Variants in RGS5 observed in about 807,000 individuals in gnomAD.
The protein encoded by RGS5 is regulator of G-protein signalling 5.
A neutral mutation model predicts 18.9 loss-of-function variants in RGS5; 20 were observed. The ratio of observed to expected loss-of-function variants is 1.06; its 90% CI spans 0.74 to 1.54. RGS5 has a LOEUF of 1.54. Ranked by LOEUF, RGS5 falls within the 40% of genes most tolerant of loss-of-function variation. RGS5 has a pLI of 0.00. For synonymous variants in RGS5, 57 were observed against 76.2 expected, an observed-to-expected ratio of 0.75 and a Z score of 1.31; for missense variants, 201 against 211.8, an observed-to-expected ratio of 0.95 and a Z score of 0.32.
chr1:163,227,929 T>A lies in RGS5; in HGVS notation c.-280-59561A>T, dbSNP rs189313858. On this transcript the variant is annotated intron_variant, in intron 2 of 5. Coordinates refer to the RGS5 transcript ENST00000618415. ...ATCTCCTTTAATTGTATGTCTCACATCCAGGTCACACTGATGCAAGAGGTG... is the reference window on the plus strand; with the variant it reads ...ATCTCCTTTAATTGTATGTCTCACAACCAGGTCACACTGATGCAAGAGGTG... Among the ~76,000 whole-genome samples, 29 of 152,322 alleles carry A rather than the reference T, an allele frequency of 1.9e-4. No individual in the cohort carries two copies. The East Asian group carries it at 5.4e-3, about 28-fold the overall frequency.
chr1:163,290,499 T>A (rs1353107820), intron 2 of RGS5, among the ~76,000 whole-genome samples: 1 of 152,178 alleles, frequency 6.6e-6, no homozygotes, highest in Non-Finnish European at 1.5e-5. Context: ...TATAGAGAAG[T>A]TTCTTTAGAG....
intron 2 of RGS5, among the ~76,000 whole-genome samples, chr1:163,167,986 G>A (rs1201149604): frequency 6.6e-6 from 1 of 151,866 alleles, no homozygotes; most frequent in Non-Finnish European, 1.5e-5. Flanking sequence ...AGTATGGTCT[G>A]TCTATTTTAT....
rs541836228 is a variant in RGS5, at chr1:163,266,153, C to A, written c.-281+40080G>T. On this transcript the variant is annotated intron_variant, in intron 2 of 5. Transcript: ENST00000618415. Reference sequence around the variant, plus strand: ...GGATCTGCTCCTGTTTTTATTACAACCCCAATTTATGGCAAGACCCAGACC... The same window carrying A: ...GGATCTGCTCCTGTTTTTATTACAAACCCAATTTATGGCAAGACCCAGACC... Among the ~76,000 whole-genome samples, 17 of 152,180 alleles carry A rather than the reference C, an allele frequency of 1.1e-4. No individual in the cohort carries two copies. In the East Asian group the frequency reaches 1.9e-3, roughly 17 times the overall value.
At chr1:163,274,247 A>T (rs1025286909) in intron 2 of RGS5, among the ~76,000 whole-genome samples, 3 of 151,880 alleles carry the variant, frequency 2.0e-5, no homozygotes, top group Admixed American at 1.3e-4. Flanking sequence ...TACCAGAGAG[A>T]CAAGAAATTA....
At chr1:163,277,008 A>G (rs1571335613) in intron 2 of RGS5, among the ~76,000 whole-genome samples, 1 of 152,284 alleles carries the variant, frequency 6.6e-6, no homozygotes, top group South Asian at 2.1e-4. Flanking sequence ...TAACATCAAC[A>G]AAGACCTTTA....
At chr1:163,216,538 C>T (rs573923543) in intron 1 of RGS5, among the ~76,000 whole-genome samples, 18 of 152,214 alleles carry the variant, frequency 1.2e-4, no homozygotes, top group Non-Finnish European at 1.8e-4. Flanking sequence ...AATAACTAGG[C>T]GGATTGACTT....
chr1:163,298,614 A>T (rs1287984938), intron 2 of RGS5, among the ~76,000 whole-genome samples: 2 of 152,158 alleles, frequency 1.3e-5, no homozygotes, highest in Admixed American at 6.5e-5. Context: ...GTCTCCAAGG[A>T]TCTCATCAGA....
chr1:163,256,612 G>A (rs138984434), intron 2 of RGS5, among the ~76,000 whole-genome samples: 178 of 152,248 alleles, frequency 1.2e-3, no homozygotes, highest in Non-Finnish European at 1.6e-3. Flanking sequence ...ACAAAGAAAA[G>A]TACATCTCCT....
At chr1:163,277,293 T>C (rs1648881875) in intron 2 of RGS5, among the ~76,000 whole-genome samples, 1 of 152,204 alleles carries the variant, frequency 6.6e-6, no homozygotes, top group African/African-American at 2.4e-5. Flanking sequence ...TGATGCATTA[T>C]GTCTCTCTAA....
At chr1:163,203,256 A>T (rs1430743813), upstream of RGS5, 1 of 154,978 alleles carries the variant, frequency 6.5e-6, no homozygotes, top group African/African-American at 2.4e-5. Flanking sequence ...AGATCGGTCA[A>T]AGTCATAGAT....
intron 1 of RGS5, among the ~76,000 whole-genome samples, chr1:163,319,598 CA>C (rs953577185): frequency 2.0e-5 from 3 of 152,184 alleles, no homozygotes; most frequent in Non-Finnish European, 4.4e-5. Context: ...CCAGTGTTTC[CA>C]GCTAAGAATT....
Position 163,147,417 on chromosome 1 carries a change from T to C in RGS5, c.471A>G (p.Arg157=), listed in dbSNP as rs374321566. 1.2e-6 allele frequency: 2 copies of C among 1,613,354 alleles called. No homozygotes were observed. The highest frequency in any genetic ancestry group is 1.7e-6 in the Non-Finnish European group (2 of 1,179,564). The change falls in exon 5 of 5, where the codon AGA becomes AGG. Residue 157 remains arginine, a synonymous_variant. Transcript: ENST00000313961. The part of the protein sequence containing the change: ...SLSSFDMAQK[R]IHALMEKDSL... The stretch of plus-strand genomic sequence containing the variant: ...AATCCTTTTCCATCAGGGCATGGAT[T>C]CTTTTCTGGGCCATGTCAAAGCTGC...
intron 1 of RGS5, among the ~76,000 whole-genome samples, chr1:163,189,393 A>G (rs556019058): frequency 9.8e-5 from 15 of 152,332 alleles, no homozygotes; most frequent in Non-Finnish European, 1.5e-4. Context: ...TTATTAAGGC[A>G]TTAGGTGATT....
chr1:163,239,582 AT>A lies in RGS5; in HGVS notation c.-281+66650del, dbSNP rs1177885155. ...ACTGGTGTCCATTAAAAGGCAGAAC[AT>A]TTTAAATAAGGCTAGTTTTTTCTTC... On this transcript the variant is annotated intron_variant, in intron 2 of 5. Coordinates refer to the RGS5 transcript ENST00000618415. Among the ~76,000 whole-genome samples the A allele has an allele frequency of 2.0e-5, 3 of 152,168 alleles. No homozygotes were observed. In the East Asian group the frequency reaches 5.8e-4, roughly 29 times the overall value.
At chr1:163,148,074 G>A (rs1432402995) in intron 4 of RGS5, among the ~76,000 whole-genome samples, 1 of 151,824 alleles carries the variant, frequency 6.6e-6, no homozygotes, top group African/African-American at 2.4e-5. Context: ...TTACAGGCAT[G>A]TGCCACCACG....
At chr1:163,193,653 T>C (rs558809855) in intron 1 of RGS5, among the ~76,000 whole-genome samples, 2 of 152,276 alleles carry the variant, frequency 1.3e-5, no homozygotes, top group Admixed American at 1.3e-4. Flanking sequence ...TGGTTGGAAT[T>C]TGCAGTTGCT....
chr1:163,230,543 C>A (rs904836681), intron 2 of RGS5, among the ~76,000 whole-genome samples: 1 of 152,180 alleles, frequency 6.6e-6, no homozygotes, highest in African/African-American at 2.4e-5. Context: ...ACTCTCCCCA[C>A]ACCTTGGCCA....
chr1:163,190,409 T>C (rs1198659660), intron 1 of RGS5, among the ~76,000 whole-genome samples: 1 of 152,150 alleles, frequency 6.6e-6, no homozygotes, highest in East Asian at 1.9e-4. Context: ...CTTGGTGATA[T>C]CAGAGAAACA....
At chr1:163,228,313 A>G (rs924152019) in intron 2 of RGS5, among the ~76,000 whole-genome samples, 4 of 152,248 alleles carry the variant, frequency 2.6e-5, no homozygotes, top group African/African-American at 4.8e-5. Context: ...CCAAACCTCA[A>G]TTCTTGACTT....
Sources: gnomAD v4.1 joint callset for allele counts (sites outside exome capture counted in the v4.1 genomes callset) on GRCh38, gnomAD v4.1.1 for gene constraint, MANE v1.5 for transcripts, NCBI Gene and HGNC (gene_info 2026-07-23, HGNC 2026-07-21) for gene names.